The following CASK variants were observed in gnomAD, a reference collection of about 807,000 sequenced individuals.
The protein encoded by CASK is calcium/calmodulin dependent serine protein kinase.
In CASK, 4 loss-of-function variants were observed where a neutral mutation model predicts 82.9. That is an observed-to-expected ratio of 0.05 (90% CI 0.02 to 0.11). The LOEUF is 0.11. CASK is among the 10% of genes least tolerant of loss of function. CASK has a pLI of 1.00. For synonymous variants in CASK, 259 were observed against 253.5 expected, an observed-to-expected ratio of 1.02 and a Z score of -0.20; for missense variants, 358 against 720.9, an observed-to-expected ratio of 0.50 and a Z score of 5.76.
At chrX:41,806,708 C>T (rs937937670) in intron 2 of CASK, among the ~76,000 whole-genome samples, 8 of 111,958 alleles carry the variant, frequency 7.1e-5, no homozygotes, top group Non-Finnish European at 9.4e-5. Flanking sequence ...AGAGTATCTA[C>T]GACTTAATAA....
chrX:41,642,320 T>C (rs2066673193), intron 8 of CASK, among the ~76,000 whole-genome samples: 2 of 112,013 alleles, frequency 1.8e-5, no homozygotes, highest in Admixed American at 9.5e-5. Context: ...GGAATTGCCA[T>C]ACTGTCTTCC....
At chrX:41,746,543 A>T (rs2068690990) in intron 3 of CASK, among the ~76,000 whole-genome samples, 1 of 110,864 alleles carries the variant, frequency 9.0e-6, no homozygotes, top group African/African-American at 3.3e-5. Context: ...ATATGTATAC[A>T]TGAATTTTGC....
rs201602205 is a variant in CASK at position 41,770,295 on chromosome X, T to TCTATCTATCTATCTATCTAC, written c.278+16882_278+16883insGTAGATAGATAGATAGATAG. 8.6e-5 allele frequency among the ~76,000 whole-genome samples: 8 copies of TCTATCTATCTATCTATCTAC among 93,138 alleles called. 1 individual carries two copies. Among genetic ancestry groups the TCTATCTATCTATCTATCTAC allele is most frequent in the East Asian group, 3.2e-4 (1 of 3,163 alleles). The allele number at this position is 93,138 out of a possible 115,157, so 80.9% of individuals were successfully genotyped here. A position where few individuals can be genotyped will look rare whatever the true frequency, so the allele number is the denominator to read the frequency against. The stretch of plus-strand genomic sequence containing the variant: ...ATCTATCTATCTATCTATCTATCTA[T>TCTATCTATCTATCTATCTAC]CTACCTACCTACCTACCTATCCATC... On this transcript the variant is annotated intron_variant, in intron 3 of 26. Coordinates refer to ENST00000378163, the MANE Select transcript of CASK (RefSeq NM_001367721.1).
At chrX:41,848,941 C>T (rs2071209682) in intron 2 of CASK, among the ~76,000 whole-genome samples, 2 of 111,808 alleles carry the variant, frequency 1.8e-5, no homozygotes, top group South Asian at 7.5e-4. Flanking sequence ...AGCTGTAAGC[C>T]TTTGGTCAAT....
rs772688633 is a variant in CASK, at chrX:41,882,141, A to G, written c.60-28914T>C. On this transcript the variant is annotated intron_variant, in intron 1 of 26. Transcript: ENST00000378163. The stretch of plus-strand genomic sequence containing the variant: ...CCTCATGGTGTAGTAAAAGGCTGAT[A>G]GTTGGTGTTCAAAAGTTTATTGTTT... Among the ~76,000 whole-genome samples the G allele has an allele frequency of 4.5e-5, 5 of 111,778 alleles. No individual in the cohort carries two copies. The East Asian group carries it at 1.4e-3, about 31-fold the overall frequency.
chrX:41,695,331 A>T lies in CASK; in HGVS notation c.430-23801T>A, dbSNP rs1275318696. Among the ~76,000 whole-genome samples, 9 of 90,876 alleles carry T rather than the reference A, an allele frequency of 9.9e-5. No homozygotes were observed. The highest frequency in any genetic ancestry group is 1.2e-4 in the Admixed American group (1 of 8,045). 78.9% of individuals were successfully genotyped at this position (90,876 alleles called of 115,157 possible). On this transcript the variant is annotated intron_variant, in intron 5 of 26. Coordinates refer to ENST00000378163, the MANE Select transcript of CASK (RefSeq NM_001367721.1). Reference sequence around the variant, plus strand: ...CTGTCTTTTTTTTTTTTTTTTTTTTAAAGAGATGGGGTCTTGTTCTGTTGC... The same window carrying T: ...CTGTCTTTTTTTTTTTTTTTTTTTTTAAGAGATGGGGTCTTGTTCTGTTGC...
In CASK at chrX:41,578,448, A is replaced by G. The variant is rs1174546308; in HGVS notation, c.1395T>C (p.Ser465=). 1 of 1,201,693 alleles carries G rather than the reference A, an allele frequency of 8.3e-7. No homozygotes were observed. Among genetic ancestry groups the G allele is most frequent in the African/African-American group, 1.8e-5 (1 of 56,984 alleles). ...EALRVTPPPT[S]PYLNGDSPES... ...CTGGAGAATCGCCGTTTAAATAGGG[A>G]GAGGTGGGAGGAGGTGTGACCCTCA... Residue 465 remains serine (S), a synonymous_variant, in exon 15 of 27, where the codon TCT becomes TCC. Transcript: ENST00000378163.
In CASK at chrX:41,623,645, C is replaced by G. The variant is rs80244467; in HGVS notation, c.1016-1011G>C. On this transcript the variant is annotated intron_variant, in intron 10 of 26. Coordinates refer to ENST00000378163, the MANE Select transcript of CASK (RefSeq NM_001367721.1). ...CAGGCTGGTCTCAAACTCCTGACCT[C>G]AAGTGATCCACCCACCTCGGCCTCC... Among the ~76,000 whole-genome samples the G allele has an allele frequency of 8.0e-5, 9 of 111,804 alleles. No individual in the cohort carries two copies. In the East Asian group the frequency reaches 2.0e-3, roughly 24 times the overall value.
Position 41,522,670 on chromosome X carries a change from G to A in CASK, c.2604+1281C>T, listed in dbSNP as rs141653717. On this transcript the variant is annotated intron_variant, in intron 26 of 26. Coordinates refer to ENST00000378163, the MANE Select transcript of CASK (RefSeq NM_001367721.1). ...CCTGAGCTTCAAAAACCACTAGCAG[G>A]GTTTATGATTTGCTCAGCAAGCTGG... is the stretch of plus-strand genomic sequence containing the variant. Among the ~76,000 whole-genome samples the A allele has an allele frequency of 5.3e-3, 591 of 111,750 alleles. 4 individuals carry two copies. The highest frequency in any genetic ancestry group is 0.018 in the African/African-American group (566 of 30,790).
intron 3 of CASK, among the ~76,000 whole-genome samples, chrX:41,748,857 A>AT (rs2068739718): frequency 8.9e-6 from 1 of 112,090 alleles, no homozygotes; most frequent in African/African-American, 3.2e-5. Flanking sequence ...GGATCAATCC[A>AT]TTTTGTCTGG....
At chrX:41,832,536 G>A (rs570792699) in intron 2 of CASK, among the ~76,000 whole-genome samples, 5 of 112,411 alleles carry the variant, frequency 4.4e-5, no homozygotes, top group African/African-American at 1.6e-4. Context: ...AACTGAAAAC[G>A]TATGTTTACA....
chrX:41,666,302 G>A (rs996708146), intron 6 of CASK, among the ~76,000 whole-genome samples: 1 of 111,564 alleles, frequency 9.0e-6, no homozygotes, highest in Admixed American at 9.5e-5. Flanking sequence ...CTTTAACTCA[G>A]TATCCCAAAA....
intron 2 of CASK, among the ~76,000 whole-genome samples, chrX:41,809,298 G>A (rs1409804709): frequency 8.9e-6 from 1 of 112,235 alleles, no homozygotes. Flanking sequence ...CTCCTCAAGT[G>A]GGTCCCTGAC....
At chrX:41,681,775 T>C (rs1433769647) in intron 5 of CASK, among the ~76,000 whole-genome samples, 1 of 109,411 alleles carries the variant, frequency 9.1e-6, no homozygotes, top group Non-Finnish European at 1.9e-5. Flanking sequence ...TGAAACCCCA[T>C]CTTTACTAAA....
rs146685725 is a variant in CASK at position 41,701,144 on chromosome X, A to C, written c.430-29614T>G. 3.5e-4 allele frequency among the ~76,000 whole-genome samples: 39 copies of C among 110,288 alleles called. No individual in the cohort carries two copies. In the East Asian group the frequency reaches 0.01, roughly 28 times the overall value. On this transcript the variant is annotated intron_variant, in intron 5 of 26. Transcript: ENST00000378163. ...TAATAGTGCTGTGCCTATTTAAAAT[A>C]AAAGGCCAATTTACAGCCTTACCTT...
At chrX:41,553,947 C>A (rs1208077799) in intron 20 of CASK, 32 bp from the exon 21 acceptor site, 1 of 1,032,126 alleles carries the variant, frequency 9.7e-7, no homozygotes, top group South Asian at 1.9e-5. Context: ...GAAAGGATGC[C>A]ATAGTGATGT....
intron 2 of CASK, among the ~76,000 whole-genome samples, chrX:41,793,421 C>A (rs777845538): frequency 1.6e-4 from 18 of 111,754 alleles, no homozygotes; most frequent in African/African-American, 5.2e-4. Flanking sequence ...TCCAATCACA[C>A]AATAGTGCTA....
intron 25 of CASK, among the ~76,000 whole-genome samples, chrX:41,527,231 C>CAG (rs775344462): frequency 5.6e-5 from 6 of 106,869 alleles, no homozygotes; most frequent in East Asian, 2.9e-4. Flanking sequence ...GGGGGAGAGG[C>CAG]AGAGAGAGAG....
At chrX:41,545,148 C>A (rs1342139931) in intron 21 of CASK, among the ~76,000 whole-genome samples, 2 of 110,526 alleles carry the variant, frequency 1.8e-5, no homozygotes, top group South Asian at 3.8e-4. Flanking sequence ...GCCTCAGCCT[C>A]CTGAGTAGCT....
Sources: gnomAD v4.1 joint callset for allele counts (sites outside exome capture counted in the v4.1 genomes callset) on GRCh38, gnomAD v4.1.1 for gene constraint, MANE v1.5 for transcripts, NCBI Gene and HGNC (gene_info 2026-07-23, HGNC 2026-07-21) for gene names.